Variants in OGDH observed in about 807,000 individuals in gnomAD.
The protein encoded by OGDH is 2-oxoglutarate dehydrogenase complex component E1.
In OGDH, 38 loss-of-function variants were observed where a neutral mutation model predicts 116.6. That is an observed-to-expected ratio of 0.33 (90% confidence interval 0.25 to 0.43). The LOEUF is 0.43. OGDH is among the 20% of genes least tolerant of loss of function. The pLI, the probability that OGDH is intolerant of heterozygous loss-of-function variation, is 1.00. For missense variants in OGDH, 825 were observed against 1,357.2 expected (o/e 0.61, Z 6.16); for synonymous variants, 488 against 533.3 (o/e 0.92, Z 1.17).
intron 10 of OGDH, among the ~76,000 whole-genome samples, chr7:44,686,109 TTTCC>T (rs1460437940): frequency 1.3e-5 from 2 of 151,876 alleles, no homozygotes; most frequent in Non-Finnish European, 2.9e-5. Flanking sequence ...AGAAAGTTAT[TTTCC>T]TTCCTTTCCA....
In OGDH at chr7:44,626,268, G is replaced by C. The variant is rs1785196954; in HGVS notation, c.222+1703G>C. On this transcript the variant is annotated intron_variant, in intron 2 of 22. Coordinates refer to ENST00000222673, the MANE Select transcript of OGDH (RefSeq NM_002541.4). The stretch of plus-strand genomic sequence containing the variant: ...TATCATGGATGTTACTGAAGACTGT[G>C]GTTGCAGATTGTGGCAGATTTCACA... 2.1e-5 allele frequency among the ~76,000 whole-genome samples: 3 copies of C among 140,948 alleles called. No homozygotes were observed. In the Admixed American group the frequency reaches 2.2e-4, roughly 10 times the overall value. The allele number at this position is 140,948 out of a possible 152,430, so 92.5% of individuals were successfully genotyped here. A position where few individuals can be genotyped will look rare whatever the true frequency, so the allele number is the denominator to read the frequency against.
At chr7:44,674,801 A>G (rs1303462834) in intron 7 of OGDH, 1 of 563,152 alleles carries the variant, frequency 1.8e-6, no homozygotes, top group Non-Finnish European at 3.2e-6. Context: ...ATTTGGCCTT[A>G]CAGTGCATCT....
intron 1 of OGDH, among the ~76,000 whole-genome samples, chr7:44,613,449 C>T (rs952209061): frequency 1.3e-5 from 2 of 152,216 alleles, no homozygotes; most frequent in African/African-American, 4.8e-5. Context: ...CAAGCTCTGC[C>T]ACCCAGGTTC....
At chr7:44,669,517 C>G (rs551908856) in intron 5 of OGDH, among the ~76,000 whole-genome samples, 3 of 151,750 alleles carry the variant, frequency 2.0e-5, no homozygotes, top group Admixed American at 1.3e-4. Context: ...GTCTCCATAG[C>G]ACGTCACAGT....
chr7:44,653,508 A>G (rs73329007), intron 4 of OGDH, among the ~76,000 whole-genome samples: 1 of 152,042 alleles, frequency 6.6e-6, no homozygotes, highest in African/African-American at 2.4e-5. Context: ...AATGATTGAG[A>G]TGTACTTTAC....
At chr7:44,639,983 G>T (rs1339568815) in intron 2 of OGDH, among the ~76,000 whole-genome samples, 1 of 152,194 alleles carries the variant, frequency 6.6e-6, no homozygotes, top group Non-Finnish European at 1.5e-5. Context: ...ATCACCTGGA[G>T]TTGTATTCCA....
At chr7:44,659,172 A>G (rs1342993637) in intron 4 of OGDH, among the ~76,000 whole-genome samples, 2 of 152,200 alleles carry the variant, frequency 1.3e-5, no homozygotes, top group East Asian at 3.9e-4. Context: ...ATTTAATGCT[A>G]ATGTCGTGGT....
intron 4 of OGDH, among the ~76,000 whole-genome samples, chr7:44,658,212 A>G (rs1428794665): frequency 1.1e-4 from 17 of 152,158 alleles, no homozygotes; most frequent in Admixed American, 1.1e-3. Context: ...CATTTTTACC[A>G]TGTTGTCTTC....
chr7:44,661,441 A>G (rs1045023545), intron 4 of OGDH, among the ~76,000 whole-genome samples: 4 of 151,922 alleles, frequency 2.6e-5, no homozygotes, highest in African/African-American at 9.7e-5. Context: ...TATTTAGGTC[A>G]TTTATATTTA....
At chr7:44,633,623 C>T (rs999967529) in intron 2 of OGDH, among the ~76,000 whole-genome samples, 1 of 152,146 alleles carries the variant, frequency 6.6e-6, no homozygotes, top group Non-Finnish European at 1.5e-5. Context: ...ATGATTGGAT[C>T]GTGAGGTGAG....
intron 1 of OGDH, among the ~76,000 whole-genome samples, chr7:44,614,039 C>T (rs906887110): frequency 6.6e-6 from 1 of 151,968 alleles, no homozygotes; most frequent in Non-Finnish European, 1.5e-5. Context: ...CTCCCAAACT[C>T]GGGCCATCCG....
At chr7:44,612,546 G>T (rs1212410324) in intron 1 of OGDH, among the ~76,000 whole-genome samples, 1 of 151,580 alleles carries the variant, frequency 6.6e-6, no homozygotes, top group Non-Finnish European at 1.5e-5. Flanking sequence ...ACCACACCCT[G>T]CTAATTTTTT....
chr7:44,656,616 T>C (rs1474340745), intron 4 of OGDH, among the ~76,000 whole-genome samples: 2 of 152,210 alleles, frequency 1.3e-5, no homozygotes, highest in Non-Finnish European at 2.9e-5. Context: ...CACGTGTGCT[T>C]CATCGCTTCA....
chr7:44,641,426 A>G (rs577521610), intron 2 of OGDH, among the ~76,000 whole-genome samples: 3 of 151,062 alleles, frequency 2.0e-5, no homozygotes, highest in African/African-American at 4.9e-5. Flanking sequence ...GGGTTTCACT[A>G]TGTTGGCCAG....
chr7:44,685,995 C>T (rs1788109371), intron 10 of OGDH, among the ~76,000 whole-genome samples: 1 of 150,872 alleles, frequency 6.6e-6, no homozygotes, highest in African/African-American at 2.4e-5. Flanking sequence ...TATGATAGTT[C>T]TATTTTTAAC....
At chr7:44,688,946 C>T (rs899370393) in intron 10 of OGDH, among the ~76,000 whole-genome samples, 12 of 151,962 alleles carry the variant, frequency 7.9e-5, no homozygotes, top group Admixed American at 2.0e-4. Flanking sequence ...GATGGGGTTT[C>T]GCCTTGTTGG....
At chr7:44,647,492 G>A (rs371660650) in intron 3 of OGDH, 165 bp from the exon 4 acceptor site, 3 of 1,540,162 alleles carry the variant, frequency 1.9e-6, no homozygotes. Context: ...AATTAGTTGT[G>A]TAAATTTTGA....
At chr7:44,696,408 C>T (rs1788583477) in intron 13 of OGDH, 21 bp from the exon 14 acceptor site, 3 of 1,607,482 alleles carry the variant, frequency 1.9e-6, no homozygotes, top group South Asian at 1.1e-5. Flanking sequence ...TGTCATGCCT[C>T]AGTTGTTCTT....
intron 19 of OGDH, among the ~76,000 whole-genome samples, chr7:44,700,739 G>A (rs948421985): frequency 6.6e-6 from 1 of 152,156 alleles, no homozygotes; most frequent in African/African-American, 2.4e-5. Flanking sequence ...GAGGCCGGGC[G>A]AGGTGGCTCA....
Sources: allele counts gnomAD v4.1 joint callset (sites outside exome capture counted in the v4.1 genomes callset), GRCh38; gene constraint gnomAD v4.1.1; transcripts MANE v1.5; gene names NCBI Gene and HGNC (gene_info 2026-07-23, HGNC 2026-07-21).